The following STATH variants were observed in gnomAD, a reference collection of about 807,000 sequenced individuals.
STATH encodes the protein statherin.
STATH carries 11 observed loss-of-function variants against 13.3 expected under a neutral mutation model. The observed-to-expected ratio is 0.83, with a 90% CI of 0.52 to 1.37. STATH has a LOEUF of 1.37. Ranked by LOEUF, STATH falls within the 40% of genes most tolerant of loss-of-function variation. STATH has a pLI of 0.00. For synonymous variants in STATH, 25 were observed against 23.6 expected (o/e 1.06, Z -0.17); for missense variants, 78 against 73.3 (o/e 1.06, Z -0.24).
intron 1 of STATH, among the ~76,000 whole-genome samples, chr4:69,996,861 T>C (rs1724518295): frequency 6.6e-6 from 1 of 151,642 alleles, no homozygotes; most frequent in Non-Finnish European, 1.5e-5. Context: ...TAGGTTTATC[T>C]ATCAGGTGAT....
intron 1 of STATH, among the ~76,000 whole-genome samples, chr4:69,996,820 A>G (rs1292144188): frequency 5.3e-5 from 8 of 151,494 alleles, no homozygotes; most frequent in Non-Finnish European, 1.0e-4. Context: ...TAAAGTTTTT[A>G]TGCTTTTTGC....
chr4:69,996,850 G>A (rs545328487), intron 1 of STATH, among the ~76,000 whole-genome samples: 43 of 150,632 alleles, frequency 2.9e-4, no homozygotes, highest in African/African-American at 9.5e-4. Flanking sequence ...TGACTGATGG[G>A]TAGGTTTATC....
chr4:70,002,405 A>G lies in STATH; in HGVS notation c.*250A>G, dbSNP rs1292117018. Reference sequence around the variant, plus strand: ...AAGCTGTGTTCAGTACTGTTTCTGAATAATAGAAATCACTTCTCTAAAAGC... The same window carrying G: ...AAGCTGTGTTCAGTACTGTTTCTGAGTAATAGAAATCACTTCTCTAAAAGC... On this transcript the variant is annotated 3_prime_UTR_variant, in exon 6 of 6. Transcript: ENST00000246895. 1 of 151,760 alleles carries G rather than the reference A, an allele frequency of 6.6e-6. No homozygotes were observed. The highest frequency in any genetic ancestry group is 2.4e-5 in the African/African-American group (1 of 41,386). The allele number at this position is 151,760 out of a possible 1,614,324, so 9.4% of individuals were successfully genotyped here. A position where few individuals can be genotyped will look rare whatever the true frequency, so the allele number is the denominator to read the frequency against.
At chr4:70,001,767 G>C (rs912552562) in intron 5 of STATH, among the ~76,000 whole-genome samples, 1 of 151,676 alleles carries the variant, frequency 6.6e-6, no homozygotes, top group African/African-American at 2.4e-5. Context: ...CAGTGCATTT[G>C]GGAGATTATA....
chr4:69,998,343 G>T lies in STATH; in HGVS notation c.-15-80G>T, dbSNP rs79936947. 4.4e-4 allele frequency: 438 copies of T among 998,812 alleles called. 1 individual carries two copies. In the East Asian group the frequency reaches 8.6e-3, roughly 20 times the overall value. 61.9% of individuals were successfully genotyped at this position (998,812 alleles called of 1,614,324 possible). A position where few individuals can be genotyped will look rare whatever the true frequency, so the allele number is the denominator to read the frequency against. On this transcript the variant is annotated intron_variant, in intron 1 of 5. Coordinates refer to ENST00000246895, the MANE Select transcript of STATH (RefSeq NM_003154.3). Reference sequence around the variant, plus strand: ...TCTGGAGTGTGTCTCCCAGTGCTTTGGAGCGTAGTATAATCAATAAACTTT... The same window carrying T: ...TCTGGAGTGTGTCTCCCAGTGCTTTTGAGCGTAGTATAATCAATAAACTTT...
intron 4 of STATH, chr4:70,000,126 G>T (rs1724615710): frequency 3.4e-6 from 1 of 293,764 alleles, no homozygotes; most frequent in Non-Finnish European, 6.4e-6. Context: ...ATGCCTCATG[G>T]AGCATAAAGG....
intron 2 of STATH, chr4:69,999,052 C>T (rs929749448): frequency 1.3e-5 from 2 of 152,364 alleles, no homozygotes; most frequent in African/African-American, 4.8e-5. Context: ...CTAGGTAAAG[C>T]ACTTGACTTC....
At position 69,996,960 on chromosome 4, in the gene STATH, A is replaced by G. The variant is rs370614622; in HGVS notation, c.-16+935A>G. ...TTTTTTTTTTTTTTTAATTTGAGACAGAGTTTCGCTCTTGTTGCCCAGGCT... is the reference window on the plus strand; with the variant it reads ...TTTTTTTTTTTTTTTAATTTGAGACGGAGTTTCGCTCTTGTTGCCCAGGCT... On this transcript the variant is annotated intron_variant, in intron 1 of 5. Coordinates refer to ENST00000246895, the MANE Select transcript of STATH (RefSeq NM_003154.3). Among the ~76,000 whole-genome samples, 279 of 139,306 alleles carry G rather than the reference A, an allele frequency of 2.0e-3. 2 individuals are homozygous for G. The highest frequency in any genetic ancestry group is 7.1e-3 in the African/African-American group (265 of 37,214). 91.4% of individuals were successfully genotyped at this position (139,306 alleles called of 152,430 possible).
chr4:70,001,515 T>G (rs944612357), intron 5 of STATH, among the ~76,000 whole-genome samples: 1 of 151,818 alleles, frequency 6.6e-6, no homozygotes, highest in African/African-American at 2.4e-5. Flanking sequence ...ATTTGCATTT[T>G]GTACCCTAAG....
chr4:69,997,640 A>G (rs1156591657), intron 1 of STATH, among the ~76,000 whole-genome samples: 1 of 152,190 alleles, frequency 6.6e-6, no homozygotes, highest in Non-Finnish European at 1.5e-5. Context: ...ATGATAACAT[A>G]TCACAGTCCC....
In STATH at chr4:70,001,000, A is replaced by T; in HGVS notation, c.*33+18A>T. 6.5e-7 allele frequency: 1 copy of T among 1,543,194 alleles called. No individual in the cohort carries two copies. Among genetic ancestry groups the T allele is most frequent in the Non-Finnish European group, 9.0e-7 (1 of 1,116,446 alleles). On this transcript the variant is annotated intron_variant, in intron 5 of 5. Transcript: ENST00000246895. ...TTATTGAGGTAAGATGGGTTTAGTG[A>T]CATTTTTTTTACTTTCTGTATCAGT...
At chr4:70,001,672 T>G (rs1402269154) in intron 5 of STATH, among the ~76,000 whole-genome samples, 1 of 151,842 alleles carries the variant, frequency 6.6e-6, no homozygotes, top group Non-Finnish European at 1.5e-5. Flanking sequence ...AAATAATATT[T>G]CAAAACAAAA....
rs550750959 is a variant in STATH at position 70,002,570 on chromosome 4, T to C, written c.*415T>C. ...GCCCATAATGTCAGAGGTCCTTATTTATAATTTAGTCTGTCATATTTTATA... is the reference window on the plus strand; with the variant it reads ...GCCCATAATGTCAGAGGTCCTTATTCATAATTTAGTCTGTCATATTTTATA... On this transcript the variant is annotated 3_prime_UTR_variant, in exon 6 of 6. Coordinates refer to ENST00000246895, the MANE Select transcript of STATH (RefSeq NM_003154.3). 9 of 151,812 alleles carry C rather than the reference T, an allele frequency of 5.9e-5. No homozygotes were observed. In the South Asian group the frequency reaches 1.7e-3, roughly 28 times the overall value. 9.4% of individuals were successfully genotyped at this position (151,812 alleles called of 1,614,324 possible).
At chr4:70,001,489 T>A (rs1292083673) in intron 5 of STATH, among the ~76,000 whole-genome samples, 1 of 151,806 alleles carries the variant, frequency 6.6e-6, no homozygotes, top group Non-Finnish European at 1.5e-5. Context: ...GGGAACCATC[T>A]GGGAACTTGT....
intron 2 of STATH, chr4:69,998,990 TATG>T (rs1724577012): frequency 6.6e-6 from 1 of 152,458 alleles, no homozygotes; most frequent in Admixed American, 6.5e-5. Context: ...ACTTCAGATC[TATG>T]ACATGTTATG....
chr4:69,998,511 A>G (rs777029632), intron 2 of STATH, 23 bp downstream of exon 2: 2 of 1,604,012 alleles, frequency 1.2e-6, no homozygotes, highest in Non-Finnish European at 1.7e-6. Flanking sequence ...GGACATTTGA[A>G]GAATATGTTC....
Position 70,000,849 on chromosome 4 carries a change from T to C in STATH, c.103-14T>C. ...CAATTTTCTGCAATTTTCTTTCTCC[T>C]TGTGTGTATACAGTATGGGTATGGC... On this transcript the variant is annotated splice_polypyrimidine_tract_variant and intron_variant, in intron 4 of 5. Transcript: ENST00000246895. 2 of 1,605,870 alleles carry C rather than the reference T, an allele frequency of 1.2e-6. No individual in the cohort carries two copies. Among genetic ancestry groups the C allele is most frequent in the Non-Finnish European group, 1.7e-6 (2 of 1,173,238 alleles).
chr4:69,996,098 A>C lies in STATH; in HGVS notation c.-16+73A>C, dbSNP rs1315140996. The C allele has an allele frequency of 3.3e-5, 5 of 152,300 alleles. No homozygotes were observed. In the East Asian group the frequency reaches 5.8e-4, roughly 18 times the overall value. The allele number at this position is 152,300 out of a possible 1,614,324, so 9.4% of individuals were successfully genotyped here. A position where few individuals can be genotyped will look rare whatever the true frequency, so the allele number is the denominator to read the frequency against. ...TGCTTCCTAAAATCTTTTGAAAACTAATTATAAAAATGTGTATTTATGTAA... is the reference window on the plus strand; with the variant it reads ...TGCTTCCTAAAATCTTTTGAAAACTCATTATAAAAATGTGTATTTATGTAA... On this transcript the variant is annotated intron_variant, in intron 1 of 5. Transcript: ENST00000246895.
chr4:70,001,020 A>G (rs1724649834), intron 5 of STATH, 38 bp downstream of exon 5: 3 of 1,392,236 alleles, frequency 2.2e-6, no homozygotes, highest in African/African-American at 1.4e-5. Flanking sequence ...TACTTTCTGT[A>G]TCAGTGCTGA....
Sources: allele counts gnomAD v4.1 joint callset (sites outside exome capture counted in the v4.1 genomes callset), GRCh38; gene constraint gnomAD v4.1.1; transcripts MANE v1.5; gene names NCBI Gene and HGNC (gene_info 2026-07-23, HGNC 2026-07-21).